The following SHISA6 variants were observed in gnomAD, a reference collection of about 807,000 sequenced individuals.
The protein encoded by SHISA6 is shisa family member 6.
A neutral mutation model predicts 47.9 loss-of-function variants in SHISA6; 22 were observed. The ratio of observed to expected loss-of-function variants is 0.46; its 90% CI spans 0.33 to 0.66. The LOEUF (loss-of-function observed/expected upper bound fraction) is 0.66. Among genes scored for constraint, SHISA6 ranks in the 30% least tolerant of loss-of-function variants. The probability of loss-of-function intolerance (pLI) is 0.02; values close to 1 mark genes in which losing one functional copy is unlikely to be tolerated. For missense variants in SHISA6, 680 were observed against 764.6 expected (o/e 0.89, Z 1.30); for synonymous variants, 388 against 337.8 (o/e 1.15, Z -1.63).
At position 11,279,716 on chromosome 17, in the gene SHISA6, C is replaced by T. The variant is rs763921382; in HGVS notation, c.799+16190C>T. 3.5e-4 allele frequency among the ~76,000 whole-genome samples: 53 copies of T among 152,194 alleles called. 2 individuals are homozygous for T. The Middle Eastern group carries it at 0.02, about 59-fold the overall frequency. On this transcript the variant is annotated intron_variant, in intron 2 of 5. Transcript: ENST00000441885. ...TTATAAGATAGGTTCTCCCAACTCCCGTGGTTGGGTATTGCCTCCCACCCT... is the reference window on the plus strand; with the variant it reads ...TTATAAGATAGGTTCTCCCAACTCCTGTGGTTGGGTATTGCCTCCCACCCT...
At chr17:11,255,924 C>T (rs1028932482) in intron 1 of SHISA6, among the ~76,000 whole-genome samples, 1 of 152,346 alleles carries the variant, frequency 6.6e-6, no homozygotes, top group East Asian at 1.9e-4. Flanking sequence ...TGCCAGGCTC[C>T]TTGTAAGCCT....
At chr17:11,511,145 T>C (rs1047639494) in intron 3 of SHISA6, among the ~76,000 whole-genome samples, 1 of 152,110 alleles carries the variant, frequency 6.6e-6, no homozygotes, top group Non-Finnish European at 1.5e-5. Flanking sequence ...GGGACATGGA[T>C]GAAGCTGGAA....
intron 3 of SHISA6, among the ~76,000 whole-genome samples, chr17:11,503,053 G>T (rs971227738): frequency 6.6e-6 from 1 of 152,166 alleles, no homozygotes; most frequent in Non-Finnish European, 1.5e-5. Flanking sequence ...TTCAGAAAAA[G>T]ATGCTAGTAA....
chr17:11,270,018 C>G (rs1012054490), intron 2 of SHISA6, among the ~76,000 whole-genome samples: 7 of 152,140 alleles, frequency 4.6e-5, no homozygotes, highest in African/African-American at 1.7e-4. Flanking sequence ...CTCTGTCATC[C>G]AGGCTGGAGT....
intron 3 of SHISA6, among the ~76,000 whole-genome samples, chr17:11,384,580 T>TGA (rs1302210692): frequency 3.1e-4 from 47 of 152,296 alleles, no homozygotes; most frequent in African/African-American, 1.1e-3. Flanking sequence ...CCCCCACATT[T>TGA]CAATATTGTC....
rs72635526 is a variant in SHISA6 at position 11,420,764 on chromosome 17, C to T, written c.895+41255C>T. 0.015 allele frequency among the ~76,000 whole-genome samples: 2,348 copies of T among 152,208 alleles called. 255 individuals are homozygous for T. In the East Asian group the frequency reaches 0.27, roughly 17 times the overall value. On this transcript the variant is annotated intron_variant, in intron 3 of 5. Transcript: ENST00000441885. ...CTCCAAAGGATCACTTGCCTTATAG[C>T]GACATTGGCTCTAGATTCAAAGTCC...
chr17:11,461,396 CA>C (rs778616587), intron 3 of SHISA6, among the ~76,000 whole-genome samples: 1,042 of 76,644 alleles, frequency 0.014, 1 homozygote, highest in Non-Finnish European at 0.017. Context: ...GACTCCATCT[CA>C]AAAAAAAAAA....
intron 2 of SHISA6, among the ~76,000 whole-genome samples, chr17:11,324,178 T>A (rs1295130439): frequency 6.6e-6 from 1 of 152,174 alleles, no homozygotes; most frequent in Non-Finnish European, 1.5e-5. Context: ...CGTTTTCATC[T>A]TATCAAAGAT....
At chr17:11,319,113 C>T (rs1028594675) in intron 2 of SHISA6, among the ~76,000 whole-genome samples, 29 of 144,666 alleles carry the variant, frequency 2.0e-4, no homozygotes, top group African/African-American at 6.4e-4. Flanking sequence ...GAGTCTCGCT[C>T]TGTCACCCAG....
chr17:11,371,748 A>G (rs1912636968), intron 2 of SHISA6, among the ~76,000 whole-genome samples: 1 of 152,208 alleles, frequency 6.6e-6, no homozygotes, highest in Non-Finnish European at 1.5e-5. Context: ...AACAAAAAAA[A>G]ATGGCCCATG....
At position 11,481,356 on chromosome 17, in the gene SHISA6, G is replaced by GTATATATATATA. The variant is rs1417264013; in HGVS notation, c.896-70539_896-70538insATATATATATAT. Among the ~76,000 whole-genome samples, 295 of 121,034 alleles carry GTATATATATATA rather than the reference G, an allele frequency of 2.4e-3. 4 individuals carry two copies. The highest frequency in any genetic ancestry group is 9.0e-3 in the African/African-American group (289 of 32,274). 79.4% of individuals were successfully genotyped at this position (121,034 alleles called of 152,430 possible). A position where few individuals can be genotyped will look rare whatever the true frequency, so the allele number is the denominator to read the frequency against. On this transcript the variant is annotated intron_variant, in intron 3 of 5. Transcript: ENST00000441885. The stretch of plus-strand genomic sequence containing the variant: ...TATATATGTGTGTGTGTGTGTGTGT[G>GTATATATATATA]TGTGTGTGTGTATATATATATATAT...
intron 3 of SHISA6, among the ~76,000 whole-genome samples, chr17:11,401,663 C>G (rs996971063): frequency 6.6e-6 from 1 of 152,110 alleles, no homozygotes; most frequent in South Asian, 2.1e-4. Context: ...GTCTGGATAC[C>G]AACAAAGATT....
Position 11,241,266 on chromosome 17 carries a change from C to A in SHISA6, c.-157C>A, listed in dbSNP as rs910978514. ...GTCCGTGCGCACCGCGCGCCGCCGC[C>A]GCCACTGCCGCCCGCGCCTCGATGG... is the stretch of plus-strand genomic sequence containing the variant. On this transcript the variant is annotated 5_prime_UTR_variant, in exon 1 of 6. Coordinates refer to ENST00000441885, the MANE Select transcript of SHISA6 (RefSeq NM_207386.4). This position sits in a 1 kb window ranked among gnomAD's most constrained non-coding sequence, Gnocchi z 5.5. 227 of 267,614 alleles carry A rather than the reference C, an allele frequency of 8.5e-4. 1 individual carries two copies. Among genetic ancestry groups the A allele is most frequent in the African/African-American group, 5.2e-3 (223 of 43,094 alleles). The allele number at this position is 267,614 out of a possible 1,614,324, so 16.6% of individuals were successfully genotyped here.
chr17:11,271,040 G>A (rs1261441241), intron 2 of SHISA6, among the ~76,000 whole-genome samples: 1 of 152,190 alleles, frequency 6.6e-6, no homozygotes, highest in Non-Finnish European at 1.5e-5. Flanking sequence ...GGTGCAAATG[G>A]AGAGGCAGCA....
intron 3 of SHISA6, among the ~76,000 whole-genome samples, chr17:11,412,954 T>C (rs1914173628): frequency 6.6e-6 from 1 of 152,136 alleles, no homozygotes; most frequent in Non-Finnish European, 1.5e-5. Context: ...CTTTCTAACA[T>C]TAGTGAAGAG....
chr17:11,437,191 G>A (rs1914964131), intron 3 of SHISA6, among the ~76,000 whole-genome samples: 1 of 152,208 alleles, frequency 6.6e-6, no homozygotes, highest in Admixed American at 6.5e-5. Flanking sequence ...TCTGGAAAGT[G>A]TGCAGAATCT....
At chr17:11,398,712 C>A (rs974003223) in intron 3 of SHISA6, among the ~76,000 whole-genome samples, 1 of 152,076 alleles carries the variant, frequency 6.6e-6, no homozygotes, top group Non-Finnish European at 1.5e-5. Context: ...CCTGCCTCAG[C>A]CTCCCAAGTA....
intron 2 of SHISA6, among the ~76,000 whole-genome samples, chr17:11,328,479 A>T (rs1479159596): frequency 2.0e-5 from 3 of 152,210 alleles, no homozygotes; most frequent in Middle Eastern, 3.2e-3. Context: ...AAAAATGGGA[A>T]TGGGAATGGT....
chr17:11,468,097 GCT>G lies in SHISA6; in HGVS notation c.896-83796_896-83795del, dbSNP rs1427691092. Among the ~76,000 whole-genome samples the G allele has an allele frequency of 1.8e-4, 28 of 151,972 alleles. No homozygotes were observed. The East Asian group carries it at 5.3e-3, about 29-fold the overall frequency. Reference sequence around the variant, plus strand: ...CAACTTCAGGGAGGTGAGTTTATTTGCTCTGTTTCCCTCTGTTCTCTGGCCTG... The same window carrying G: ...CAACTTCAGGGAGGTGAGTTTATTTGCTGTTTCCCTCTGTTCTCTGGCCTG... On this transcript the variant is annotated intron_variant, in intron 3 of 5. Coordinates refer to ENST00000441885, the MANE Select transcript of SHISA6 (RefSeq NM_207386.4).
Sources: allele counts gnomAD v4.1 joint callset (sites outside exome capture counted in the v4.1 genomes callset), GRCh38; gene constraint gnomAD v4.1.1; non-coding constraint Gnocchi (gnomAD v3.1); transcripts MANE v1.5; gene names NCBI Gene and HGNC (gene_info 2026-07-23, HGNC 2026-07-21).